Variants in HEMK2 observed in about 807,000 individuals in gnomAD.
HEMK2 encodes methyltransferase HEMK2.
the HEMK2 span, among the ~76,000 whole-genome samples, chr21:28,834,359 G>C: frequency 1.3e-5 from 2 of 152,318 alleles, no homozygotes; most frequent in Middle Eastern, 3.4e-3. Context: ...AGAAAATGGA[G>C]ACCCTCCTTT....
chr21:28,838,999 A>ATATATATATATATATATATATG, the HEMK2 span, among the ~76,000 whole-genome samples: 1 of 56,330 alleles, frequency 1.8e-5, no homozygotes, highest in Non-Finnish European at 2.9e-5. Flanking sequence ...ATATATATAT[A>ATATATATATATATATATATATG]TACATATATA....
the HEMK2 span, chr21:28,872,186 T>C: frequency 0.17 from 26,078 of 152,020 alleles, 2,297 homozygotes; most frequent in South Asian, 0.23. Flanking sequence ...GCGTACACAC[T>C]GAAAGGCGAG....
At chr21:28,807,483 C>G in the HEMK2 span, among the ~76,000 whole-genome samples, 1 of 152,182 alleles carries the variant, frequency 6.6e-6, no homozygotes, top group Admixed American at 6.6e-5. Flanking sequence ...AGAAGCTGAA[C>G]TGCAATGCAG....
the HEMK2 span, among the ~76,000 whole-genome samples, chr21:28,706,530 A>G: frequency 1.3e-5 from 2 of 152,234 alleles, no homozygotes; most frequent in South Asian, 4.1e-4. Flanking sequence ...TCATAAACTT[A>G]ATTTCTTTAC....
At chr21:28,840,601 A>G in the HEMK2 span, among the ~76,000 whole-genome samples, 1 of 152,182 alleles carries the variant, frequency 6.6e-6, no homozygotes, top group East Asian at 1.9e-4. Flanking sequence ...AACGTGAAAA[A>G]TGCTCAACAT....
chr21:28,882,255 A>C, the HEMK2 span: 2 of 1,608,094 alleles, frequency 1.2e-6, no homozygotes, highest in Non-Finnish European at 1.7e-6. Context: ...GTGCACCTAT[A>C]AACAGAAATG....
chr21:28,607,532 T>C, the HEMK2 span, among the ~76,000 whole-genome samples: 1 of 152,230 alleles, frequency 6.6e-6, no homozygotes, highest in Non-Finnish European at 1.5e-5. Context: ...CATCCAAGAT[T>C]AGGTTATGTT....
At chr21:28,788,715 A>G in the HEMK2 span, among the ~76,000 whole-genome samples, 1 of 152,070 alleles carries the variant, frequency 6.6e-6, no homozygotes, top group African/African-American at 2.4e-5. Flanking sequence ...CAAAAAAAAA[A>G]AAAAAGAAAA....
chr21:28,581,993 A>T, the HEMK2 span, among the ~76,000 whole-genome samples: 1 of 152,234 alleles, frequency 6.6e-6, no homozygotes, highest in Non-Finnish European at 1.5e-5. Context: ...GTATTTACAA[A>T]ATGCAAACTG....
the HEMK2 span, among the ~76,000 whole-genome samples, chr21:28,805,650 T>A: frequency 6.6e-6 from 1 of 152,156 alleles, no homozygotes; most frequent in African/African-American, 2.4e-5. Flanking sequence ...GACTTTACAT[T>A]GTTTTATTTA....
chr21:28,622,606 A>G, the HEMK2 span, among the ~76,000 whole-genome samples: 1 of 152,228 alleles, frequency 6.6e-6, no homozygotes, highest in Non-Finnish European at 1.5e-5. Context: ...TAACCAAAAC[A>G]GCATGGTACT....
chr21:28,625,065 T>C, the HEMK2 span, among the ~76,000 whole-genome samples: 1 of 152,178 alleles, frequency 6.6e-6, no homozygotes, highest in Admixed American at 6.5e-5. Context: ...TCCTCAGCCT[T>C]TTACAAATTG....
At chr21:28,589,104 A>C in the HEMK2 span, among the ~76,000 whole-genome samples, 8 of 152,312 alleles carry the variant, frequency 5.3e-5, no homozygotes, top group African/African-American at 1.9e-4. Context: ...TAAACTTATA[A>C]AAAAGGCAAA....
the HEMK2 span, among the ~76,000 whole-genome samples, chr21:28,685,058 AG>A: frequency 6.6e-6 from 1 of 152,240 alleles, no homozygotes. Context: ...GAGAGTTGGG[AG>A]GGGGCAGGTA....
the HEMK2 span, among the ~76,000 whole-genome samples, chr21:28,669,477 G>A: frequency 6.6e-6 from 1 of 151,974 alleles, no homozygotes; most frequent in Non-Finnish European, 1.5e-5. Flanking sequence ...TCCCTACCTT[G>A]TGGTTAGACT....
At chr21:28,642,010 T>G in the HEMK2 span, among the ~76,000 whole-genome samples, 1 of 152,186 alleles carries the variant, frequency 6.6e-6, no homozygotes, top group Non-Finnish European at 1.5e-5. Context: ...TACAGATGGT[T>G]CTGAATTCCA....
the HEMK2 span, among the ~76,000 whole-genome samples, chr21:28,832,594 T>C: frequency 1.3e-5 from 2 of 152,212 alleles, no homozygotes; most frequent in African/African-American, 4.8e-5. Flanking sequence ...CTGATCTAGC[T>C]CCTCCTGTAT....
the HEMK2 span, among the ~76,000 whole-genome samples, chr21:28,627,495 G>T: frequency 2.6e-5 from 4 of 152,122 alleles, no homozygotes; most frequent in Non-Finnish European, 5.9e-5. Context: ...ATATCCTGAT[G>T]AGTAAGATGA....
the HEMK2 span, among the ~76,000 whole-genome samples, chr21:28,830,501 A>G: frequency 6.6e-6 from 1 of 152,148 alleles, no homozygotes; most frequent in South Asian, 2.1e-4. Context: ...TTCTTCATAA[A>G]TTATCCAGGT....
Sources: gnomAD v4.1 joint callset for allele counts (sites outside exome capture counted in the v4.1 genomes callset) on GRCh38, gnomAD v4.1.1 for gene constraint, MANE v1.5 for transcripts, NCBI Gene and HGNC (gene_info 2026-07-23, HGNC 2026-07-21) for gene names.